The following PLSCR1 variants were observed in gnomAD, a reference collection of about 807,000 sequenced individuals.
The protein encoded by PLSCR1 is PL scramblase 1.
In PLSCR1, 17 loss-of-function variants were observed where a neutral mutation model predicts 37.8. The observed-to-expected ratio is 0.45, with a 90% CI of 0.31 to 0.68. The LOEUF (loss-of-function observed/expected upper bound fraction) is 0.68. Among genes scored for constraint, PLSCR1 ranks in the 30% least tolerant of loss-of-function variants. The pLI, the probability that PLSCR1 is intolerant of heterozygous loss-of-function variation, is 0.06. For missense variants in PLSCR1, 347 were observed against 380.9 expected (o/e 0.91, Z 0.74); for synonymous variants, 116 against 125.9 (o/e 0.92, Z 0.53).
chr3:146,523,652 G>A (rs950755929), intron 5 of PLSCR1, among the ~76,000 whole-genome samples: 7 of 152,140 alleles, frequency 4.6e-5, no homozygotes, highest in Admixed American at 6.5e-5. Context: ...AAACGTGTTC[G>A]GCAACCAAGG....
intron 3 of PLSCR1, 76 bp downstream of exon 3, chr3:146,533,394 C>G (rs972647801): frequency 1.4e-6 from 1 of 712,022 alleles, no homozygotes; most frequent in South Asian, 2.2e-5. Flanking sequence ...CTCTCTTACT[C>G]TCTCTCTCCC....
In PLSCR1 at chr3:146,524,363, G is replaced by C. The variant is rs555088289; in HGVS notation, c.355+1242C>G. 9.2e-5 allele frequency among the ~76,000 whole-genome samples: 14 copies of C among 151,620 alleles called. No homozygotes were observed. In the South Asian group the frequency reaches 2.3e-3, roughly 25 times the overall value. On this transcript the variant is annotated intron_variant, in intron 5 of 8. Transcript: ENST00000342435. Reference sequence around the variant, plus strand: ...GTTTATGCTCAGATTCTAAAAACCTGAGTAATCTTCATCTTTTTTATACCA... The same window carrying C: ...GTTTATGCTCAGATTCTAAAAACCTCAGTAATCTTCATCTTTTTTATACCA...
intron 4 of PLSCR1, among the ~76,000 whole-genome samples, chr3:146,527,085 C>T (rs575517849): frequency 3.3e-5 from 5 of 151,940 alleles, no homozygotes; most frequent in East Asian, 1.9e-4. Context: ...TGCAGTGAGC[C>T]GAGATCGTGC....
intron 5 of PLSCR1, among the ~76,000 whole-genome samples, chr3:146,523,278 T>C (rs1353536972): frequency 6.6e-6 from 1 of 152,230 alleles, no homozygotes; most frequent in African/African-American, 2.4e-5. Flanking sequence ...ATTCCATAAA[T>C]GTCTGTCAGA....
chr3:146,519,557 GA>G (rs2043991048), intron 7 of PLSCR1, among the ~76,000 whole-genome samples: 1 of 152,024 alleles, frequency 6.6e-6, no homozygotes, highest in Non-Finnish European at 1.5e-5. Context: ...TCACCATTAA[GA>G]TAACCTTCTT....
intron 3 of PLSCR1, among the ~76,000 whole-genome samples, chr3:146,530,252 T>G (rs1168504802): frequency 6.6e-6 from 1 of 152,206 alleles, no homozygotes; most frequent in Non-Finnish European, 1.5e-5. Flanking sequence ...AATGGATCAT[T>G]TATGATAAAA....
intron 7 of PLSCR1, 190 bp from the exon 8 acceptor site, chr3:146,517,357 T>G: frequency 3.1e-6 from 1 of 318,010 alleles, no homozygotes; most frequent in East Asian, 4.9e-5. Flanking sequence ...ACGGAGAAAT[T>G]ATATTTCAGA....
chr3:146,542,941 G>C (rs2738911), intron 1 of PLSCR1, among the ~76,000 whole-genome samples: 33,003 of 152,098 alleles, frequency 0.22, 3,964 homozygotes, highest in Non-Finnish European at 0.25. Flanking sequence ...AATACTCTAA[G>C]TGCTATAAAT....
chr3:146,531,988 A>G (rs1261337773), intron 3 of PLSCR1, among the ~76,000 whole-genome samples: 4 of 152,206 alleles, frequency 2.6e-5, no homozygotes, highest in Non-Finnish European at 5.9e-5. Context: ...TCTAAGAATT[A>G]AAAGTGTTAG....
rs3773525 is a variant in PLSCR1, at chr3:146,523,953, A to G, written c.355+1652T>C. On this transcript the variant is annotated intron_variant, in intron 5 of 8. Transcript: ENST00000342435. Reference sequence around the variant, plus strand: ...AAAATAAATATATGGAGGAAAAGTCACTCTATAATGCCTATGTGGAAAGAC... The same window carrying G: ...AAAATAAATATATGGAGGAAAAGTCGCTCTATAATGCCTATGTGGAAAGAC... 1.6e-3 allele frequency among the ~76,000 whole-genome samples: 248 copies of G among 152,286 alleles called. 4 individuals are homozygous for G. The East Asian group carries it at 0.037, about 23-fold the overall frequency.
chr3:146,537,276 G>A (rs184513268), intron 1 of PLSCR1, among the ~76,000 whole-genome samples: 19 of 152,146 alleles, frequency 1.2e-4, no homozygotes, highest in African/African-American at 4.3e-4. Context: ...GCCTTGATCC[G>A]ATCCTAGTTT....
chr3:146,528,552 T>A, intron 4 of PLSCR1, 62 bp downstream of exon 4: 1 of 1,311,626 alleles, frequency 7.6e-7, no homozygotes, highest in Non-Finnish European at 1.1e-6. Context: ...TTTGCTAATC[T>A]GGTTAAGCAA....
intron 3 of PLSCR1, among the ~76,000 whole-genome samples, chr3:146,530,889 T>A (rs2044188905): frequency 6.6e-6 from 1 of 152,062 alleles, no homozygotes; most frequent in South Asian, 2.1e-4. Context: ...TTTTCAGGAG[T>A]GGAAAAGCAT....
intron 4 of PLSCR1, 41 bp from the exon 5 acceptor site, chr3:146,525,688 T>C: frequency 4.1e-6 from 4 of 967,112 alleles, no homozygotes; most frequent in Non-Finnish European, 6.3e-6. Flanking sequence ...ATATGTCAAA[T>C]GAAGGTTTTT....
chr3:146,530,902 G>C (rs2044189151), intron 3 of PLSCR1, among the ~76,000 whole-genome samples: 1 of 152,168 alleles, frequency 6.6e-6, no homozygotes, highest in African/African-American at 2.4e-5. Context: ...AAAAGCATTA[G>C]AATTTACAAT....
intron 5 of PLSCR1, among the ~76,000 whole-genome samples, chr3:146,522,485 G>A (rs2044039070): frequency 6.6e-6 from 1 of 151,966 alleles, no homozygotes; most frequent in East Asian, 1.9e-4. Context: ...ACAAATGCTT[G>A]AAGGCAGCAT....
At chr3:146,537,003 G>A (rs2044274073) in intron 1 of PLSCR1, among the ~76,000 whole-genome samples, 1 of 152,124 alleles carries the variant, frequency 6.6e-6, no homozygotes. Flanking sequence ...CAGCAGGAAA[G>A]CAAAAAATGT....
At chr3:146,533,691 G>A (rs561989234) in intron 2 of PLSCR1, 141 bp from the exon 3 acceptor site, 95 of 446,922 alleles carry the variant, frequency 2.1e-4, no homozygotes, top group Non-Finnish European at 2.9e-4. Context: ...TTCACTTAAC[G>A]TAAGCTGTGC....
At chr3:146,519,160 T>C (rs919795767) in intron 7 of PLSCR1, among the ~76,000 whole-genome samples, 1 of 152,148 alleles carries the variant, frequency 6.6e-6, no homozygotes, top group African/African-American at 2.4e-5. Flanking sequence ...AAGAATTTGT[T>C]AAAGTCACAT....
Sources: gnomAD v4.1 joint callset for allele counts (sites outside exome capture counted in the v4.1 genomes callset) on GRCh38, gnomAD v4.1.1 for gene constraint, MANE v1.5 for transcripts, NCBI Gene and HGNC (gene_info 2026-07-23, HGNC 2026-07-21) for gene names.